KLHL1: variants seen among roughly 807,000 people sequenced by gnomAD.
KLHL1 encodes kelch like family member 1, also known as kelch-like protein 1.
In KLHL1, 47 loss-of-function variants were observed where a neutral mutation model predicts 77.7. The ratio of observed to expected loss-of-function variants is 0.60; its 90% CI spans 0.48 to 0.77. KLHL1 has a LOEUF of 0.77. Ranked by LOEUF, KLHL1 falls within the 30% of genes least tolerant of loss-of-function variation. KLHL1 has a pLI of 0.00. For missense variants in KLHL1, 925 were observed against 910.8 expected, an observed-to-expected ratio of 1.02 and a Z score of -0.20; for synonymous variants, 360 against 325.2, an observed-to-expected ratio of 1.11 and a Z score of -1.15.
chr13:70,054,321 C>A (rs1046698115), intron 1 of KLHL1, among the ~76,000 whole-genome samples: 1 of 152,010 alleles, frequency 6.6e-6, no homozygotes, highest in South Asian at 2.1e-4. Flanking sequence ...ATAAAGCCAT[C>A]TCTGTTTTGG....
chr13:69,796,622 T>C, intron 7 of KLHL1, 116 bp downstream of exon 7: 1 of 765,280 alleles, frequency 1.3e-6, no homozygotes, highest in Non-Finnish European at 2.1e-6. Context: ...CAGGTTCAGG[T>C]ATTCCTTTAT....
At chr13:69,818,217 A>ATTTTTTTTTTTTTTT (rs1878195724) in intron 6 of KLHL1, among the ~76,000 whole-genome samples, 1 of 124,428 alleles carries the variant, frequency 8.0e-6, no homozygotes, top group Non-Finnish European at 1.6e-5. Context: ...ACTCATAGGC[A>ATTTTTTTTTTTTTTT]TCTTTTTTTT....
chr13:69,793,194 A>C (rs1876946067), intron 7 of KLHL1, among the ~76,000 whole-genome samples: 1 of 152,238 alleles, frequency 6.6e-6, no homozygotes, highest in Middle Eastern at 3.4e-3. Context: ...GCATTGTAGT[A>C]ATGTCTTATT....
intron 5 of KLHL1, among the ~76,000 whole-genome samples, chr13:69,847,424 A>T (rs12428010): frequency 0.94 from 140,595 of 149,552 alleles, 66,364 homozygotes; most frequent in East Asian, 0.99. Context: ...AAAAAAAAAA[A>T]AAACATAATT....
intron 1 of KLHL1, among the ~76,000 whole-genome samples, chr13:70,080,738 A>C (rs147997475): frequency 6.6e-6 from 1 of 152,074 alleles, no homozygotes; most frequent in African/African-American, 2.4e-5. Flanking sequence ...CTGGGACTAC[A>C]CATGCGCACC....
chr13:69,769,294 C>G (rs767641106), intron 7 of KLHL1, among the ~76,000 whole-genome samples: 1 of 152,158 alleles, frequency 6.6e-6, no homozygotes, highest in Non-Finnish European at 1.5e-5. Flanking sequence ...TATAAAACTG[C>G]TTTGTGATGT....
At chr13:69,842,994 A>T (rs1161160820) in intron 5 of KLHL1, among the ~76,000 whole-genome samples, 3 of 151,724 alleles carry the variant, frequency 2.0e-5, no homozygotes, top group Non-Finnish European at 4.4e-5. Context: ...AATTCATTAT[A>T]TGGAGGTAGA....
intron 1 of KLHL1, among the ~76,000 whole-genome samples, chr13:70,023,082 C>A (rs1413184383): frequency 6.6e-6 from 1 of 152,004 alleles, no homozygotes; most frequent in Middle Eastern, 3.4e-3. Flanking sequence ...ATTCACTATA[C>A]CTAGAGTGCT....
chr13:69,718,308 G>T (rs1171420436), intron 9 of KLHL1, among the ~76,000 whole-genome samples: 2 of 152,038 alleles, frequency 1.3e-5, no homozygotes, highest in African/African-American at 4.8e-5. Flanking sequence ...AAATAAAAGA[G>T]AATTCTATTA....
intron 1 of KLHL1, among the ~76,000 whole-genome samples, chr13:69,996,427 A>C (rs1418821501): frequency 2.0e-5 from 3 of 152,166 alleles, no homozygotes; most frequent in African/African-American, 7.2e-5. Context: ...TAACTAGATT[A>C]TCACTAATAT....
chr13:70,077,613 G>T (rs945026290), intron 1 of KLHL1, among the ~76,000 whole-genome samples: 3 of 151,858 alleles, frequency 2.0e-5, no homozygotes, highest in Non-Finnish European at 4.4e-5. Context: ...GTATCAATAT[G>T]GTTTCATCAA....
At chr13:69,927,026 A>T (rs1054972778) in intron 4 of KLHL1, among the ~76,000 whole-genome samples, 2 of 151,662 alleles carry the variant, frequency 1.3e-5, no homozygotes, top group African/African-American at 4.8e-5. Flanking sequence ...TTTACAGTAA[A>T]ACAAGAGAAT....
chr13:70,093,778 A>C (rs2137445244), intron 1 of KLHL1, among the ~76,000 whole-genome samples: 1 of 152,318 alleles, frequency 6.6e-6, no homozygotes, highest in South Asian at 2.1e-4. Flanking sequence ...TGGATAGCTC[A>C]TCTCCAGGAG....
chr13:70,069,377 A>G (rs1232255768), intron 1 of KLHL1, among the ~76,000 whole-genome samples: 4 of 152,226 alleles, frequency 2.6e-5, no homozygotes, highest in Non-Finnish European at 5.9e-5. Flanking sequence ...ATCAACTCCT[A>G]TCAAGAGAAA....
At chr13:69,889,198 T>G (rs1881335658) in intron 4 of KLHL1, among the ~76,000 whole-genome samples, 1 of 152,122 alleles carries the variant, frequency 6.6e-6, no homozygotes. Flanking sequence ...AGATTCTAAC[T>G]TTCTCAGGGT....
intron 8 of KLHL1, among the ~76,000 whole-genome samples, chr13:69,729,745 G>C (rs1489810672): frequency 1.3e-5 from 2 of 151,842 alleles, no homozygotes; most frequent in Non-Finnish European, 2.9e-5. Context: ...CCAAGTAAAA[G>C]CTCTACTAAC....
chr13:69,723,863 G>A (rs1326064005), intron 8 of KLHL1, among the ~76,000 whole-genome samples: 2 of 115,672 alleles, frequency 1.7e-5, no homozygotes, highest in Non-Finnish European at 3.5e-5. Flanking sequence ...TTTTTTCTGA[G>A]ACGGAGTCTT....
At chr13:69,789,914 C>CTAAT (rs1385592283) in intron 7 of KLHL1, among the ~76,000 whole-genome samples, 1 of 152,002 alleles carries the variant, frequency 6.6e-6, no homozygotes, top group Non-Finnish European at 1.5e-5. Context: ...TTAGAGCTAC[C>CTAAT]TAATACGTCT....
At position 69,915,121 on chromosome 13, in the gene KLHL1, T is replaced by C. The variant is rs1397246466; in HGVS notation, c.1014+24919A>G. On this transcript the variant is annotated intron_variant, in intron 4 of 10. Coordinates refer to ENST00000377844, the MANE Select transcript of KLHL1 (RefSeq NM_020866.3). Reference sequence around the variant, plus strand: ...TACAAACAAATGGAAGAACATTCCATGCTCATGGGTAGGAAGAATCAATAT... The same window carrying C: ...TACAAACAAATGGAAGAACATTCCACGCTCATGGGTAGGAAGAATCAATAT... 2.0e-5 allele frequency among the ~76,000 whole-genome samples: 3 copies of C among 152,290 alleles called. No individual in the cohort carries two copies. In the East Asian group the frequency reaches 5.8e-4, roughly 29 times the overall value.
Sources: gnomAD v4.1 joint callset for allele counts (sites outside exome capture counted in the v4.1 genomes callset) on GRCh38, gnomAD v4.1.1 for gene constraint, MANE v1.5 for transcripts, NCBI Gene and HGNC (gene_info 2026-07-23, HGNC 2026-07-21) for gene names.